Variants in FAM53A observed in about 807,000 individuals in gnomAD.
FAM53A encodes protein FAM53A.
FAM53A carries 28 observed loss-of-function variants against 26.6 expected under a neutral mutation model. That is an observed-to-expected ratio of 1.05 (90% confidence interval 0.78 to 1.45). FAM53A has a LOEUF of 1.45. Among genes scored for constraint, FAM53A ranks in the 40% most tolerant of loss-of-function variants. The pLI is 0.00. For missense variants in FAM53A, 650 were observed against 575.8 expected (o/e 1.13, Z -1.32); for synonymous variants, 290 against 253.1 (o/e 1.15, Z -1.38).
At chr4:1,672,759 CTTTTTTTTTTTT>C (rs35045856) in intron 1 of FAM53A, among the ~76,000 whole-genome samples, 3 of 64,832 alleles carry the variant, frequency 4.6e-5, no homozygotes, top group Admixed American at 4.0e-4. Context: ...CCTGAATTTC[CTTTTTTTTTTTT>C]TTTTTTTTTT....
chr4:1,584,839 G>T, the FAM53A span, among the ~76,000 whole-genome samples: 7 of 152,382 alleles, frequency 4.6e-5, no homozygotes, highest in African/African-American at 1.4e-4. Context: ...AAGTCATGCA[G>T]TGTCATTTGC....
At position 1,655,265 on chromosome 4, in the gene FAM53A, C is replaced by T. The variant is rs752191120; in HGVS notation, c.595G>A (p.Glu199Lys). The T allele has an allele frequency of 5.5e-5, 79 of 1,440,154 alleles. No homozygotes were observed. Among genetic ancestry groups the T allele is most frequent in the Admixed American group, 2.9e-4 (10 of 34,036 alleles). The allele number at this position is 1,440,154 out of a possible 1,614,324, so 89.2% of individuals were successfully genotyped here. Residue 199 changes from glutamate to lysine, a missense_variant, in exon 4 of 5, where the codon GAG becomes AAG. Coordinates refer to ENST00000308132, the MANE Select transcript of FAM53A (RefSeq NM_001174070.3). ...SASGGFVDSSEGSAGSGPLWC... is the reference protein window; with the variant it reads ...SASGGFVDSSKGSAGSGPLWC... ...AGCGGGCCTGAGCCCGCACTGCCCT[C>T]GCTGCTGTCCACGAAGCCGCCGCTG... is the stretch of plus-strand genomic sequence containing the variant.
chr4:1,584,075 A>C, the FAM53A span, among the ~76,000 whole-genome samples: 1 of 152,130 alleles, frequency 6.6e-6, no homozygotes, highest in Non-Finnish European at 1.5e-5. Flanking sequence ...TGTGTATTCT[A>C]TCAATCCCTT....
chr4:1,654,607 A>G (rs942707117), intron 4 of FAM53A, among the ~76,000 whole-genome samples: 2 of 152,188 alleles, frequency 1.3e-5, no homozygotes, highest in Non-Finnish European at 2.9e-5. Context: ...TTACTTCCTG[A>G]GCCATCACCA....
the FAM53A span, among the ~76,000 whole-genome samples, chr4:1,595,420 T>C: frequency 6.6e-6 from 1 of 152,162 alleles, no homozygotes; most frequent in Non-Finnish European, 1.5e-5. Flanking sequence ...ATGCAGAGGC[T>C]GGGGGTCCAC....
At chr4:1,655,867 CGT>C in intron 3 of FAM53A, 144 bp from the exon 4 acceptor site, 2 of 1,040,012 alleles carry the variant, frequency 1.9e-6, no homozygotes, top group Non-Finnish European at 2.7e-6. Flanking sequence ...CCAAGATGTC[CGT>C]GGCGCACAGT....
At chr4:1,668,533 C>A in intron 2 of FAM53A, 134 bp downstream of exon 2, 2 of 862,418 alleles carry the variant, frequency 2.3e-6, no homozygotes, top group South Asian at 3.2e-5. Context: ...GCACCAGACA[C>A]CCCCATCCCT....
At chr4:1,602,649 C>T in the FAM53A span, among the ~76,000 whole-genome samples, 3 of 152,226 alleles carry the variant, frequency 2.0e-5, no homozygotes, top group Non-Finnish European at 4.4e-5. Context: ...TATTTCAGGT[C>T]TGGGTGGGCC....
chr4:1,679,121 T>A (rs896176528), intron 1 of FAM53A, among the ~76,000 whole-genome samples: 1 of 152,128 alleles, frequency 6.6e-6, no homozygotes, highest in Non-Finnish European at 1.5e-5. Context: ...AAAAGACTTA[T>A]TTGACAAAGA....
Position 1,668,667 on chromosome 4 carries a change from C to G in FAM53A, c.75G>C (p.Pro25=), listed in dbSNP as rs780210239. The G allele has an allele frequency of 9.9e-6, 16 of 1,613,906 alleles. No individual in the cohort carries two copies. The highest frequency in any genetic ancestry group is 1.4e-5 in the Non-Finnish European group (16 of 1,180,018). Residue 25 remains proline (P), a splice_region_variant and synonymous_variant, in exon 2 of 5, where the codon CCG becomes CCC. Coordinates refer to ENST00000308132, the MANE Select transcript of FAM53A (RefSeq NM_001174070.3). ...DDLTCKAEAG[P]LQYSAETLNK... ...CCTGGTGCCACCTGCAGCTGCTTAC[C>G]GGGCCAGCCTCCGCCTTGCAGGTGA...
chr4:1,597,868 C>T, the FAM53A span, among the ~76,000 whole-genome samples: 1,259 of 152,322 alleles, frequency 8.3e-3, 8 homozygotes, highest in African/African-American at 0.02. Context: ...TGGTGGCGGG[C>T]GCCTGTAATC....
At chr4:1,606,040 CTT>C in the FAM53A span, among the ~76,000 whole-genome samples, 14 of 135,788 alleles carry the variant, frequency 1.0e-4, no homozygotes, top group Non-Finnish European at 1.4e-4. Context: ...TCCTATGACT[CTT>C]TTTTTTTTTT....
chr4:1,660,048 C>A (rs1713711270), intron 2 of FAM53A, among the ~76,000 whole-genome samples: 1 of 151,942 alleles, frequency 6.6e-6, no homozygotes, highest in Admixed American at 6.6e-5. Context: ...TGAATCCCAG[C>A]ACGGCGGGAG....
At chr4:1,590,313 T>C in the FAM53A span, among the ~76,000 whole-genome samples, 28 of 152,332 alleles carry the variant, frequency 1.8e-4, no homozygotes, top group African/African-American at 6.3e-4. Context: ...CATTTTTTGA[T>C]GTCTGGCTGC....
chr4:1,604,830 C>A, the FAM53A span, among the ~76,000 whole-genome samples: 108 of 152,254 alleles, frequency 7.1e-4, no homozygotes, highest in Non-Finnish European at 1.2e-3. Context: ...CCGAGCACCA[C>A]CCCCACCCTG....
downstream of FAM53A, among the ~76,000 whole-genome samples, chr4:1,636,729 T>G (rs1236531876): frequency 6.6e-6 from 1 of 152,206 alleles, no homozygotes; most frequent in East Asian, 1.9e-4. Flanking sequence ...GCCCAAGACC[T>G]GGGTTTTTCG....
chr4:1,605,872 C>T, the FAM53A span, among the ~76,000 whole-genome samples: 1 of 152,118 alleles, frequency 6.6e-6, no homozygotes, highest in Non-Finnish European at 1.5e-5. This position sits in a 1 kb window ranked among gnomAD's most constrained non-coding sequence, Gnocchi z 5.7. Flanking sequence ...TCTCCCCTTT[C>T]CCCCTCCCCA....
rs1325065707 is a variant in FAM53A, at chr4:1,630,112, G to A, written c.432-12001C>T. ...TCACCCGGCTGCCTGCCTGCCAGGT[G>A]TGGTGAGGGTATGAGTCCTGGACAA... is the stretch of plus-strand genomic sequence containing the variant. On this transcript the variant is annotated intron_variant, in intron 1 of 1. Coordinates refer to the FAM53A transcript ENST00000489029. This position sits in a 1 kb window ranked among gnomAD's most constrained non-coding sequence, Gnocchi z 4.3. 6.6e-6 allele frequency among the ~76,000 whole-genome samples: 1 copy of A among 152,206 alleles called. No homozygotes were observed. The highest frequency in any genetic ancestry group is 2.4e-5 in the African/African-American group (1 of 41,456).
Position 1,630,358 on chromosome 4 carries a change from C to T in FAM53A, c.432-12247G>A, listed in dbSNP as rs1032391912. ...GACCACTCACCTCTGCCACTGCAGC[C>T]GAAACAGCCACAGCCAAGGTCTACA... On this transcript the variant is annotated intron_variant, in intron 1 of 1. Coordinates refer to the FAM53A transcript ENST00000489029. The surrounding 1 kb of genome is among the most constrained non-coding windows in gnomAD (Gnocchi z 4.3). Among the ~76,000 whole-genome samples the T allele has an allele frequency of 6.6e-6, 1 of 151,724 alleles. No individual in the cohort carries two copies. Among genetic ancestry groups the T allele is most frequent in the Non-Finnish European group, 1.5e-5 (1 of 67,900 alleles).
Sources: gnomAD v4.1 joint callset for allele counts (sites outside exome capture counted in the v4.1 genomes callset) on GRCh38, gnomAD v4.1.1 for gene constraint, Gnocchi (gnomAD v3.1) non-coding constraint, MANE v1.5 for transcripts, NCBI Gene and HGNC (gene_info 2026-07-23, HGNC 2026-07-21) for gene names.